EPHA6: variants seen among roughly 807,000 people sequenced by gnomAD.
EPHA6 encodes the protein ephrin type-A receptor 6.
Under a neutral mutation model 112.0 loss-of-function variants are expected in EPHA6, and 50 were observed. That is an observed-to-expected ratio of 0.45 (90% CI 0.36 to 0.56). The LOEUF is 0.56. EPHA6 is among the 20% of genes least tolerant of loss of function. EPHA6 has a pLI of 0.00. For synonymous variants in EPHA6, 529 were observed against 490.7 expected, an observed-to-expected ratio of 1.08 and a Z score of -1.03; for missense variants, 1,280 against 1,417.4, an observed-to-expected ratio of 0.90 and a Z score of 1.56.
In EPHA6 at chr3:97,109,294, C is replaced by G. The variant is rs149323686; in HGVS notation, c.1115-116970C>G. ...CTCTCACAGTCTAACTTTTTATAGACATGCATGACCCAAATTTAGGGTGAA... is the reference window on the plus strand; with the variant it reads ...CTCTCACAGTCTAACTTTTTATAGAGATGCATGACCCAAATTTAGGGTGAA... On this transcript the variant is annotated intron_variant, in intron 3 of 17. Transcript: ENST00000389672. Among the ~76,000 whole-genome samples, 104 of 152,194 alleles carry G rather than the reference C, an allele frequency of 6.8e-4. No individual in the cohort carries two copies. The Middle Eastern group carries it at 0.01, about 15-fold the overall frequency.
rs371961984 is a variant in EPHA6, at chr3:97,424,635, C to T, written c.1731+19361C>T. 3.3e-3 allele frequency among the ~76,000 whole-genome samples: 504 copies of T among 151,998 alleles called. 2 individuals carry two copies. Among genetic ancestry groups the T allele is most frequent in the African/African-American group, 0.011 (473 of 41,466 alleles). On this transcript the variant is annotated intron_variant, in intron 6 of 17. Coordinates refer to ENST00000389672, the MANE Select transcript of EPHA6 (RefSeq NM_001080448.3). ...CCTGGCCAACATAGTGAAACCCCAT[C>T]TCTACTAAAAATACAAAAAAATTAG...
At chr3:97,300,807 C>T (rs1433011346) in intron 5 of EPHA6, among the ~76,000 whole-genome samples, 4 of 151,728 alleles carry the variant, frequency 2.6e-5, no homozygotes. Flanking sequence ...TGACCTTACA[C>T]GTTCAAGTCA....
At chr3:97,398,228 G>T (rs540341338) in intron 5 of EPHA6, among the ~76,000 whole-genome samples, 4 of 151,328 alleles carry the variant, frequency 2.6e-5, no homozygotes, top group Non-Finnish European at 5.9e-5. Context: ...TATTGCTTTA[G>T]ACATTGTACA....
chr3:97,723,222 T>A (rs1331954846), intron 15 of EPHA6, among the ~76,000 whole-genome samples: 1 of 152,162 alleles, frequency 6.6e-6, no homozygotes, highest in Non-Finnish European at 1.5e-5. Context: ...ACAAGACAGA[T>A]TTTTTAGGAG....
chr3:97,658,136 T>A (rs935408150), intron 14 of EPHA6, among the ~76,000 whole-genome samples: 4 of 151,902 alleles, frequency 2.6e-5, no homozygotes, highest in Non-Finnish European at 5.9e-5. Flanking sequence ...TATGCTTTTC[T>A]ATCTCACCCA....
chr3:96,919,956 G>GT (rs1396919767), intron 2 of EPHA6, among the ~76,000 whole-genome samples: 4 of 151,854 alleles, frequency 2.6e-5, no homozygotes, highest in African/African-American at 9.7e-5. Flanking sequence ...TAAAATAATT[G>GT]TAAGTATTAA....
chr3:97,605,354 G>A (rs1433910014), intron 12 of EPHA6, among the ~76,000 whole-genome samples: 1 of 151,474 alleles, frequency 6.6e-6, no homozygotes, highest in Non-Finnish European at 1.5e-5. Flanking sequence ...GTATTTCCTA[G>A]GTTTTCTTCT....
chr3:97,105,384 A>G (rs2047534155), intron 3 of EPHA6, among the ~76,000 whole-genome samples: 3 of 152,146 alleles, frequency 2.0e-5, no homozygotes, highest in South Asian at 4.1e-4. Flanking sequence ...GAGCTTCTTT[A>G]TTTCTGATTT....
intron 7 of EPHA6, chr3:97,466,388 T>C (rs2091055114): frequency 1.2e-6 from 2 of 1,609,098 alleles, no homozygotes; most frequent in African/African-American, 2.7e-5. Flanking sequence ...TCCAGTCTAA[T>C]TATTTTCTCT....
intron 5 of EPHA6, among the ~76,000 whole-genome samples, chr3:97,331,080 C>T (rs527862899): frequency 1.3e-5 from 2 of 152,092 alleles, no homozygotes; most frequent in East Asian, 1.9e-4. Context: ...CTGGAACTCA[C>T]GATTAAGAAA....
intron 5 of EPHA6, among the ~76,000 whole-genome samples, chr3:97,368,862 A>G (rs1182646067): frequency 6.6e-6 from 1 of 152,186 alleles, no homozygotes; most frequent in East Asian, 1.9e-4. Flanking sequence ...ATAAGATAAA[A>G]AAGTATATAA....
intron 3 of EPHA6, among the ~76,000 whole-genome samples, chr3:97,015,944 G>A (rs559247554): frequency 3.2e-4 from 48 of 151,558 alleles, no homozygotes; most frequent in African/African-American, 1.1e-3. Context: ...ATCCATTTCA[G>A]AATTGCTTTG....
At chr3:97,032,474 G>A (rs1325670698) in intron 3 of EPHA6, among the ~76,000 whole-genome samples, 2 of 151,704 alleles carry the variant, frequency 1.3e-5, no homozygotes, top group Non-Finnish European at 2.9e-5. Context: ...ATAAAAAAAA[G>A]GATGAGACCC....
At chr3:97,483,561 C>T (rs1414381822) in intron 9 of EPHA6, among the ~76,000 whole-genome samples, 1 of 152,184 alleles carries the variant, frequency 6.6e-6, no homozygotes, top group African/African-American at 2.4e-5. Context: ...ACCTAGTGGG[C>T]TTCCTTGCTT....
At chr3:97,000,797 T>TTA (rs577138468) in intron 3 of EPHA6, among the ~76,000 whole-genome samples, 2,318 of 142,080 alleles carry the variant, frequency 0.016, 41 homozygotes, top group East Asian at 0.046. Context: ...GTAAGCTAAG[T>TTA]TATATATATA....
chr3:97,396,306 G>A (rs769652931), intron 5 of EPHA6, among the ~76,000 whole-genome samples: 2 of 147,454 alleles, frequency 1.4e-5, no homozygotes, highest in Non-Finnish European at 3.0e-5. Context: ...CACCCTGATA[G>A]GTAAACCTTA....
intron 3 of EPHA6, among the ~76,000 whole-genome samples, chr3:97,015,388 T>C (rs1405596629): frequency 1.3e-5 from 2 of 152,176 alleles, no homozygotes; most frequent in East Asian, 3.9e-4. Flanking sequence ...TGTTTTCTTT[T>C]CCAGAAAGAT....
At chr3:97,343,885 G>T (rs1013811666) in intron 5 of EPHA6, among the ~76,000 whole-genome samples, 2 of 152,144 alleles carry the variant, frequency 1.3e-5, no homozygotes, top group African/African-American at 4.8e-5. Context: ...GGGCCCATAA[G>T]ACCAAGCATT....
intron 14 of EPHA6, among the ~76,000 whole-genome samples, chr3:97,650,481 G>GA (rs2094099960): frequency 6.6e-6 from 1 of 151,816 alleles, no homozygotes; most frequent in Non-Finnish European, 1.5e-5. Context: ...TAAAACAAAT[G>GA]AAAAAGATTT....
Sources: allele counts gnomAD v4.1 joint callset (sites outside exome capture counted in the v4.1 genomes callset), GRCh38; gene constraint gnomAD v4.1.1; transcripts MANE v1.5; gene names NCBI Gene and HGNC (gene_info 2026-07-23, HGNC 2026-07-21).